TPO: variants seen among roughly 807,000 people sequenced by gnomAD.
TPO encodes the protein thyroid peroxidase, also known as thyroid microsomal antigen.
TPO carries 78 observed loss-of-function variants against 96.9 expected under a neutral mutation model. That is an observed-to-expected ratio of 0.81 (90% confidence interval 0.67 to 0.97). The LOEUF (loss-of-function observed/expected upper bound fraction) is 0.97. Ranked by LOEUF, TPO falls within the 50% of genes least tolerant of loss-of-function variation. TPO has a pLI of 0.00. For synonymous variants in TPO, 547 were observed against 538.0 expected, an observed-to-expected ratio of 1.02 and a Z score of -0.23; for missense variants, 1,252 against 1,274.8, an observed-to-expected ratio of 0.98 and a Z score of 0.27.
rs1179079966 is a variant in TPO at position 1,503,748 on chromosome 2, C to T, written c.2387-200C>T. ...CTCCCTGCAGGCTCAGAGCCCGTGG[C>T]CAGCGCACATCTGTCTGCTCCTCAT... On this transcript the variant is annotated intron_variant, in intron 13 of 16. Coordinates refer to ENST00000329066, the MANE Select transcript of TPO (RefSeq NM_001206744.2). 5.3e-6 allele frequency: 5 copies of T among 943,324 alleles called. No individual in the cohort carries two copies. The South Asian group carries it at 7.0e-5, about 13-fold the overall frequency. The allele number at this position is 943,324 out of a possible 1,614,324, so 58.4% of individuals were successfully genotyped here.
intron 5 of TPO, among the ~76,000 whole-genome samples, chr2:1,447,316 A>G (rs532356799): frequency 4.1e-4 from 63 of 152,314 alleles, no homozygotes; most frequent in Non-Finnish European, 6.2e-4. Context: ...AAGTCCTTAG[A>G]CGATAACTTT....
intron 7 of TPO, among the ~76,000 whole-genome samples, chr2:1,471,801 T>C (rs1454069155): frequency 6.6e-6 from 1 of 152,026 alleles, no homozygotes; most frequent in Non-Finnish European, 1.5e-5. Context: ...TCAAAGGGAT[T>C]CACTGGGCAC....
chr2:1,386,099 C>G (rs1558243038), intron 1 of TPO, among the ~76,000 whole-genome samples: 2 of 152,086 alleles, frequency 1.3e-5, no homozygotes, highest in South Asian at 2.1e-4. Context: ...AATTTCTGTT[C>G]TTTTACATTT....
At chr2:1,491,173 A>C (rs914430492) in intron 10 of TPO, among the ~76,000 whole-genome samples, 3 of 151,878 alleles carry the variant, frequency 2.0e-5, no homozygotes, top group African/African-American at 7.3e-5. Flanking sequence ...CAGTCAAAAA[A>C]AAAACCAAAA....
At chr2:1,533,217 C>G (rs368741823) in intron 15 of TPO, among the ~76,000 whole-genome samples, 1 of 26,856 alleles carries the variant, frequency 3.7e-5, no homozygotes, top group Non-Finnish European at 6.1e-5. Context: ...CCCCCCATAT[C>G]CCCCCACTGT....
chr2:1,397,345 A>G (rs1437827371), intron 1 of TPO, among the ~76,000 whole-genome samples: 1 of 152,212 alleles, frequency 6.6e-6, no homozygotes, highest in Non-Finnish European at 1.5e-5. Context: ...AGGGCATGAC[A>G]TGGGAGTTAC....
At position 1,502,173 on chromosome 2, in the gene TPO, C is replaced by G. The variant is rs551099354; in HGVS notation, c.2387-1775C>G. On this transcript the variant is annotated intron_variant, in intron 13 of 16. Coordinates refer to ENST00000329066, the MANE Select transcript of TPO (RefSeq NM_001206744.2). ...CCTACCCCAGAGGCGGCTGCAGATG[C>G]CTTCACACAGCTCTGGTGCTCCACA... 3.3e-5 allele frequency among the ~76,000 whole-genome samples: 5 copies of G among 152,194 alleles called. No individual in the cohort carries two copies. The South Asian group carries it at 1.0e-3, about 32-fold the overall frequency.
intron 15 of TPO, among the ~76,000 whole-genome samples, chr2:1,522,703 C>T (rs1194183824): frequency 6.6e-6 from 1 of 152,092 alleles, no homozygotes; most frequent in African/African-American, 2.4e-5. Context: ...TACACCCAAA[C>T]ACCACCCACT....
At chr2:1,485,922 A>G (rs1376219640) in intron 9 of TPO, among the ~76,000 whole-genome samples, 2 of 152,142 alleles carry the variant, frequency 1.3e-5, no homozygotes, top group African/African-American at 2.4e-5. Flanking sequence ...TCATTTGTCA[A>G]TTTTGGCTTT....
chr2:1,474,561 G>A (rs919671746), intron 7 of TPO, among the ~76,000 whole-genome samples: 1 of 152,174 alleles, frequency 6.6e-6, no homozygotes, highest in African/African-American at 2.4e-5. Context: ...CACCGTCAAT[G>A]CCATCTGACC....
chr2:1,498,923 A>G (rs1206431847), intron 13 of TPO, among the ~76,000 whole-genome samples: 2 of 152,142 alleles, frequency 1.3e-5, no homozygotes, highest in Admixed American at 6.5e-5. Flanking sequence ...TTGGCATTAC[A>G]GTTAAGGAAT....
chr2:1,456,366 T>A (rs1667787562), intron 7 of TPO, 84 bp downstream of exon 7: 2 of 1,443,776 alleles, frequency 1.4e-6, no homozygotes, highest in Non-Finnish European at 1.9e-6. Flanking sequence ...AAACAAAATG[T>A]GAAAGTCTGT....
chr2:1,537,052 C>T (rs372393958), intron 15 of TPO, among the ~76,000 whole-genome samples: 481 of 29,300 alleles, frequency 0.016, 1 homozygote, highest in Non-Finnish European at 0.021. Context: ...TGTGCAACCT[C>T]CCCAAATCCC....
At chr2:1,538,390 C>T (rs548179623) in intron 15 of TPO, among the ~76,000 whole-genome samples, 1 of 152,200 alleles carries the variant, frequency 6.6e-6, no homozygotes, top group South Asian at 2.1e-4. Flanking sequence ...GGTGAAATAT[C>T]CATATATGCA....
rs142640549 is a variant in TPO, at chr2:1,515,213, C to T, written c.2519-1670C>T. 3.7e-3 allele frequency among the ~76,000 whole-genome samples: 569 copies of T among 152,338 alleles called. 4 individuals carry two copies. Among genetic ancestry groups the T allele is most frequent in the African/African-American group, 0.013 (549 of 41,592 alleles). ...CCCAGGCACACAGGCGGAGCCCCCA[C>T]CTCTAGCAGCCATGGGGGTGAGAGC... On this transcript the variant is annotated intron_variant, in intron 14 of 16. Transcript: ENST00000329066.
chr2:1,449,976 A>G (rs939000785), intron 5 of TPO, among the ~76,000 whole-genome samples: 3 of 152,254 alleles, frequency 2.0e-5, no homozygotes, highest in South Asian at 2.1e-4. Context: ...GAGTTTCCTC[A>G]TACTTCTGGC....
upstream of TPO, among the ~76,000 whole-genome samples, chr2:1,408,874 C>G (rs1316803027): frequency 6.6e-6 from 1 of 152,162 alleles, no homozygotes; most frequent in Non-Finnish European, 1.5e-5. Context: ...GAAGTTAGAG[C>G]CACATCTCCA....
In TPO at chr2:1,418,732, TAAAAG is replaced by T. The variant is rs754349584; in HGVS notation, c.94+4235_94+4239del. On this transcript the variant is annotated intron_variant, in intron 2 of 16. Coordinates refer to ENST00000329066, the MANE Select transcript of TPO (RefSeq NM_001206744.2). ...CAAATGTTCCACAAGTTATAGCTGT[TAAAAG>T]AAAATAAGATGCAAATGAACAAGAA... Among the ~76,000 whole-genome samples, 101 of 152,302 alleles carry T rather than the reference TAAAAG, an allele frequency of 6.6e-4. 1 individual carries two copies. Among genetic ancestry groups the T allele is most frequent in the Non-Finnish European group, 2.6e-4 (18 of 68,028 alleles).
chr2:1,473,961 T>C (rs562040580), intron 7 of TPO, among the ~76,000 whole-genome samples: 6 of 152,312 alleles, frequency 3.9e-5, no homozygotes, highest in African/African-American at 1.4e-4. Flanking sequence ...AATTTTATTA[T>C]GTTTTAAATC....
Sources: allele counts gnomAD v4.1 joint callset (sites outside exome capture counted in the v4.1 genomes callset), GRCh38; gene constraint gnomAD v4.1.1; transcripts MANE v1.5; gene names NCBI Gene and HGNC (gene_info 2026-07-23, HGNC 2026-07-21).